The following SERPINA9 variants were observed in gnomAD, a reference collection of about 807,000 sequenced individuals.
The protein encoded by SERPINA9 is serpin A9.
A neutral mutation model predicts 24.5 loss-of-function variants in SERPINA9; 32 were observed. The ratio of observed to expected loss-of-function variants is 1.30; its 90% CI spans 0.98 to 1.75. The LOEUF is 1.75. SERPINA9 is among the 40% of genes most tolerant of loss of function. The pLI, the probability that SERPINA9 is intolerant of heterozygous loss-of-function variation, is 0.00. For missense variants in SERPINA9, 594 were observed against 497.1 expected, an observed-to-expected ratio of 1.19 and a Z score of -1.85; for synonymous variants, 233 against 197.7, an observed-to-expected ratio of 1.18 and a Z score of -1.50.
chr14:94,475,331 T>G (rs1400355611), intron 1 of SERPINA9, among the ~76,000 whole-genome samples: 1 of 152,094 alleles, frequency 6.6e-6, no homozygotes, highest in African/African-American at 2.4e-5. Flanking sequence ...AAGCTTCACC[T>G]TTTCCATGTC....
Position 94,462,829 on chromosome 14 carries a change from T to G in SERPINA9, c.*264A>C. 2.3e-6 allele frequency: 1 copy of G among 443,310 alleles called. No homozygotes were observed. Among genetic ancestry groups the G allele is most frequent in the Non-Finnish European group, 4.1e-6 (1 of 241,926 alleles). The allele number at this position is 443,310 out of a possible 1,614,324, so 27.5% of individuals were successfully genotyped here. The stretch of plus-strand genomic sequence containing the variant: ...TTCCATTCCTGGGAGCCCCAAGGAA[T>G]GGAAATATGGTAACCCAGCAACATC... On this transcript the variant is annotated 3_prime_UTR_variant, in exon 5 of 5. Coordinates refer to ENST00000674397, the MANE Select transcript of SERPINA9 (RefSeq NM_175739.4).
intron 4 of SERPINA9, chr14:94,464,373 C>T (rs1006269680): frequency 5.1e-6 from 2 of 391,672 alleles, no homozygotes; most frequent in Non-Finnish European, 9.1e-6. Context: ...GACCTATGGG[C>T]AGCCACACTG....
intron 1 of SERPINA9, chr14:94,475,928 A>T (rs567157505): frequency 1.6e-6 from 1 of 638,136 alleles, no homozygotes. Flanking sequence ...CCTTACCTCC[A>T]ACTCACTCAC....
chr14:94,463,203 G>A lies in SERPINA9; in HGVS notation c.1144C>T (p.Pro382Ser). ...TTGAAGGAGACAGTGAAGTAAGAGG[G>A]GCCATCCTTCGATCGGACTATGAAC... ...TKFIVRSKDGPSYFTVSFNRT... is the reference protein window; with the variant it reads ...TKFIVRSKDGSSYFTVSFNRT... The change falls in exon 5 of 5, where the codon CCC (proline) becomes TCC (serine). Residue 382 changes from proline to serine, a missense_variant. Coordinates refer to ENST00000674397, the MANE Select transcript of SERPINA9 (RefSeq NM_175739.4). 6.2e-7 allele frequency: 1 copy of A among 1,613,860 alleles called. No homozygotes were observed. Among genetic ancestry groups the A allele is most frequent in the East Asian group, 2.2e-5 (1 of 44,884 alleles).
intron 1 of SERPINA9, among the ~76,000 whole-genome samples, chr14:94,472,948 G>T (rs1311172677): frequency 6.6e-6 from 1 of 152,210 alleles, no homozygotes; most frequent in Non-Finnish European, 1.5e-5. Flanking sequence ...AGGAAGGGCT[G>T]GGGAGCAGGA....
chr14:94,475,832 C>A, intron 1 of SERPINA9: 1 of 474,772 alleles, frequency 2.1e-6, no homozygotes, highest in Non-Finnish European at 3.7e-6. Context: ...TTCACCCTCT[C>A]ATTTGCTTCT....
rs755833883 is a variant in SERPINA9 at position 94,463,126 on chromosome 14, A to G, written c.1221T>C (p.Phe407=). The part of the protein sequence containing the change: ...ITNKATDGIL[F]LGKVENPTKS The stretch of plus-strand genomic sequence containing the variant: ...TAGTGGGATTTTCCACTTTCCCTAG[A>G]AAGAGAATACCGTCTGTGGCTTTAT... Residue 407 remains phenylalanine, a synonymous_variant, in exon 5 of 5, where the codon TTT becomes TTC. Transcript: ENST00000674397. 15 of 1,614,186 alleles carry G rather than the reference A, an allele frequency of 9.3e-6. No individual in the cohort carries two copies. In the East Asian group the frequency reaches 1.8e-4, roughly 19 times the overall value.
chr14:94,467,440 C>G, intron 2 of SERPINA9, 58 bp from the exon 3 acceptor site: 1 of 1,468,788 alleles, frequency 6.8e-7, no homozygotes, highest in Non-Finnish European at 9.2e-7. Flanking sequence ...GAGGCAAAGA[C>G]AGCAAACTGA....
At position 94,469,873 on chromosome 14, in the gene SERPINA9, GA is replaced by G; in HGVS notation, c.-17-17del. On this transcript the variant is annotated splice_polypyrimidine_tract_variant and intron_variant, in intron 1 of 4. Transcript: ENST00000674397. ...CAAAATATGTCTGCAAGAGAAGTAA[GA>G]ACCATTGAGGGGGTAAACTGAGGGT... is the stretch of plus-strand genomic sequence containing the variant. 6.6e-7 allele frequency: 1 copy of G among 1,504,358 alleles called. No homozygotes were observed. The highest frequency in any genetic ancestry group is 8.9e-7 in the Non-Finnish European group (1 of 1,127,232). The allele number at this position is 1,504,358 out of a possible 1,614,324, so 93.2% of individuals were successfully genotyped here.
At chr14:94,470,683 A>T (rs935790868) in intron 1 of SERPINA9, among the ~76,000 whole-genome samples, 2 of 152,214 alleles carry the variant, frequency 1.3e-5, no homozygotes, top group Admixed American at 1.3e-4. Flanking sequence ...ACTGAGTGTG[A>T]TAAGGCACAA....
In SERPINA9 at chr14:94,469,302, T is replaced by C. The variant is rs765779875; in HGVS notation, c.539A>G (p.Lys180Arg). Residue 180 changes from lysine to arginine, a missense_variant, in exon 2 of 5, where the codon AAA (lysine) becomes AGA (arginine). Transcript: ENST00000674397. ...TACAACCTTCCCTTGGGTCTTCTTT[T>C]TCACATGGCTGTTGATCCTCGCCTG... Reference protein sequence around the residue: ...IAQARINSHVKKKTQGKVVDI... With the variant: ...IAQARINSHVRKKTQGKVVDI... 3.7e-6 allele frequency: 6 copies of C among 1,614,248 alleles called. No homozygotes were observed. The highest frequency in any genetic ancestry group is 5.1e-6 in the Non-Finnish European group (6 of 1,180,040).
chr14:94,469,949 G>T, intron 1 of SERPINA9, 92 bp from the exon 2 acceptor site: 2 of 1,082,202 alleles, frequency 1.8e-6, no homozygotes, highest in Non-Finnish European at 2.6e-6. Flanking sequence ...ATCAGCAGCA[G>T]AATGAGGACA....
chr14:94,474,381 T>C (rs1372525345), intron 1 of SERPINA9, among the ~76,000 whole-genome samples: 2 of 152,180 alleles, frequency 1.3e-5, no homozygotes, highest in Admixed American at 6.5e-5. Context: ...GGCTAGTAAA[T>C]GTCCTGAGTC....
At chr14:94,476,102 A>G in intron 1 of SERPINA9, 34 bp downstream of exon 1, 1 of 1,613,882 alleles carries the variant, frequency 6.2e-7, no homozygotes, top group Non-Finnish European at 8.5e-7. Context: ...GTGACACCAC[A>G]TTCCCGATCT....
At chr14:94,468,685 C>G (rs920963659) in intron 2 of SERPINA9, among the ~76,000 whole-genome samples, 1 of 152,182 alleles carries the variant, frequency 6.6e-6, no homozygotes, top group African/African-American at 2.4e-5. Flanking sequence ...CTGTAAAGCT[C>G]TAACATATAT....
At position 94,463,195 on chromosome 14, in the gene SERPINA9, G is replaced by A. The variant is rs1167658707; in HGVS notation, c.1152C>T (p.Tyr384=). Residue 384 remains tyrosine (Y), a synonymous_variant, in exon 5 of 5, where the codon TAC becomes TAT. Transcript: ENST00000674397. ...AGGTCCTATTGAAGGAGACAGTGAA[G>A]TAAGAGGGGCCATCCTTCGATCGGA... ...FIVRSKDGPS[Y]FTVSFNRTFL... 18 of 1,614,008 alleles carry A rather than the reference G, an allele frequency of 1.1e-5. No individual in the cohort carries two copies. Among genetic ancestry groups the A allele is most frequent in the Non-Finnish European group, 1.5e-5 (18 of 1,179,950 alleles).
At chr14:94,475,820 C>G in intron 1 of SERPINA9, 1 of 446,884 alleles carries the variant, frequency 2.2e-6, no homozygotes. Context: ...AAAAACACTC[C>G]TTTCACCCTC....
Position 94,469,522 on chromosome 14 carries a change from C to G in SERPINA9, c.319G>C (p.Glu107Gln), listed in dbSNP as rs1273588906. Residue 107 changes from glutamate to glutamine, a missense_variant, in exon 2 of 5, where the codon GAG becomes CAG. Transcript: ENST00000674397. The stretch of plus-strand genomic sequence containing the variant: ...TGGAAGCCCTGGTGGATGGCAGACT[C>G]TGGTGTGTGTGTGAGGTTGAAGCCC... ...GLGFNLTHTPESAIHQGFQHL... is the reference protein window; with the variant it reads ...GLGFNLTHTPQSAIHQGFQHL... 3.7e-6 allele frequency: 6 copies of G among 1,614,046 alleles called. No homozygotes were observed. The highest frequency in any genetic ancestry group is 2.7e-5 in the African/African-American group (2 of 74,928).
At chr14:94,467,513 T>C (rs373300134) in intron 2 of SERPINA9, 131 bp from the exon 3 acceptor site, 3 of 786,398 alleles carry the variant, frequency 3.8e-6, no homozygotes, top group African/African-American at 3.4e-5. Context: ...AATGCTCTGA[T>C]ATTACACAGC....
Sources: allele counts gnomAD v4.1 joint callset (sites outside exome capture counted in the v4.1 genomes callset), GRCh38; gene constraint gnomAD v4.1.1; transcripts MANE v1.5; gene names NCBI Gene and HGNC (gene_info 2026-07-23, HGNC 2026-07-21).